The following IGSF3 variants were observed in gnomAD, a reference collection of about 807,000 sequenced individuals.
IGSF3 encodes the protein glu-Trp-Ile EWI motif-containing protein 3.
In IGSF3, 23 loss-of-function variants were observed where a neutral mutation model predicts 114.4. The ratio of observed to expected loss-of-function variants is 0.20; its 90% CI spans 0.14 to 0.28. The LOEUF (loss-of-function observed/expected upper bound fraction) is 0.28, where lower values mean the gene tolerates loss of function less well. Among genes scored for constraint, IGSF3 ranks in the 10% least tolerant of loss-of-function variants. The pLI is 1.00. For missense variants in IGSF3, 1,172 were observed against 1,591.5 expected, an observed-to-expected ratio of 0.74 and a Z score of 4.48; for synonymous variants, 571 against 645.2, an observed-to-expected ratio of 0.88 and a Z score of 1.74.
intron 6 of IGSF3, among the ~76,000 whole-genome samples, chr1:116,601,347 A>G (rs1660579949): frequency 6.6e-6 from 1 of 152,236 alleles, no homozygotes; most frequent in African/African-American, 2.4e-5. Flanking sequence ...GGAAAGCATA[A>G]CACAGTGGTT....
At chr1:116,599,174 G>A (rs1337297845) in intron 7 of IGSF3, among the ~76,000 whole-genome samples, 2 of 151,998 alleles carry the variant, frequency 1.3e-5, no homozygotes, top group Non-Finnish European at 2.9e-5. Context: ...TAAAGTAACT[G>A]ACCTTCAGCG....
In IGSF3 at chr1:116,579,960, CAT is replaced by C; in HGVS notation, c.2849-85_2849-84del. The C allele has an allele frequency of 1.7e-6, 2 of 1,185,874 alleles. No homozygotes were observed. The highest frequency in any genetic ancestry group is 2.5e-5 in the Admixed American group (1 of 39,584). The allele number at this position is 1,185,874 out of a possible 1,614,324, so 73.5% of individuals were successfully genotyped here. A position where few individuals can be genotyped will look rare whatever the true frequency, so the allele number is the denominator to read the frequency against. ...TAAACTAAATGTCCATCATTAAACA[CAT>C]GATAGTAACATCCATACTATAAGAT... On this transcript the variant is annotated intron_variant, in intron 9 of 10. Coordinates refer to ENST00000369486, the MANE Select transcript of IGSF3 (RefSeq NM_001007237.3). The surrounding 1 kb of genome is among the most constrained non-coding windows in gnomAD (Gnocchi z 6.4).
chr1:116,641,360 G>C (rs1308826299), intron 2 of IGSF3, among the ~76,000 whole-genome samples: 1 of 151,828 alleles, frequency 6.6e-6, no homozygotes, highest in African/African-American at 2.4e-5. Context: ...GCCGGGTATG[G>C]TGGCGTGTAC....
At position 116,589,558 on chromosome 1, in the gene IGSF3, C is replaced by T. The variant is rs1481005601; in HGVS notation, c.2030-454G>A. ...CACCCTCAGGCACCCTCCACAGGCG[C>T]ATGCCCCTGGTGCAGTTTCCCTGAG... On this transcript the variant is annotated intron_variant, in intron 7 of 10. Transcript: ENST00000369486. The surrounding 1 kb of genome is among the most constrained non-coding windows in gnomAD (Gnocchi z 5.7). Among the ~76,000 whole-genome samples, 2 of 152,118 alleles carry T rather than the reference C, an allele frequency of 1.3e-5. No individual in the cohort carries two copies. Among genetic ancestry groups the T allele is most frequent in the African/African-American group, 4.8e-5 (2 of 41,426 alleles).
Position 116,589,191 on chromosome 1 carries a change from C to G in IGSF3, c.2030-87G>C. 8.1e-7 allele frequency: 1 copy of G among 1,240,360 alleles called. No individual in the cohort carries two copies. Among genetic ancestry groups the G allele is most frequent in the South Asian group, 1.4e-5 (1 of 72,438 alleles). 76.8% of individuals were successfully genotyped at this position (1,240,360 alleles called of 1,614,324 possible). On this transcript the variant is annotated intron_variant, in intron 7 of 10. Coordinates refer to ENST00000369486, the MANE Select transcript of IGSF3 (RefSeq NM_001007237.3). This position sits in a 1 kb window ranked among gnomAD's most constrained non-coding sequence, Gnocchi z 5.7. Reference sequence around the variant, plus strand: ...TCCAGGCTCTGAGCCAGGTTTCCTCCAGCACAGTTCCTGGGGGATTTAACA... The same window carrying G: ...TCCAGGCTCTGAGCCAGGTTTCCTCGAGCACAGTTCCTGGGGGATTTAACA...
intron 2 of IGSF3, among the ~76,000 whole-genome samples, chr1:116,631,535 G>A (rs921478001): frequency 3.3e-5 from 5 of 152,110 alleles, no homozygotes; most frequent in Non-Finnish European, 7.4e-5. Flanking sequence ...TCAGATCACT[G>A]GACCTCCACT....
In IGSF3 at chr1:116,647,996, C is replaced by T. The variant is rs1437709133; in HGVS notation, c.43+18288G>A. Among the ~76,000 whole-genome samples the T allele has an allele frequency of 6.6e-6, 1 of 151,980 alleles. No individual in the cohort carries two copies. Among genetic ancestry groups the T allele is most frequent in the African/African-American group, 2.4e-5 (1 of 41,342 alleles). ...GCACACGCCTGTAATCCTAGTTACTCGGGAGGCTGAGGCAGGAGAATCGCT... is the reference window on the plus strand; with the variant it reads ...GCACACGCCTGTAATCCTAGTTACTTGGGAGGCTGAGGCAGGAGAATCGCT... On this transcript the variant is annotated intron_variant, in intron 2 of 10. Coordinates refer to ENST00000369486, the MANE Select transcript of IGSF3 (RefSeq NM_001007237.3). This position sits in a 1 kb window ranked among gnomAD's most constrained non-coding sequence, Gnocchi z 4.6.
chr1:116,641,868 A>G (rs1266102522), intron 2 of IGSF3, among the ~76,000 whole-genome samples: 1 of 146,136 alleles, frequency 6.8e-6, no homozygotes, highest in Non-Finnish European at 1.5e-5. Flanking sequence ...TTTTTTTTTG[A>G]GACTGGGTCT....
At position 116,628,953 on chromosome 1, in the gene IGSF3, T is replaced by C. The variant is rs182226078; in HGVS notation, c.44-12496A>G. Among the ~76,000 whole-genome samples, 10 of 152,250 alleles carry C rather than the reference T, an allele frequency of 6.6e-5. No individual in the cohort carries two copies. The highest frequency in any genetic ancestry group is 6.5e-4 in the Admixed American group (10 of 15,286). ...TGCAAAAATAACAGAACTGTGGAAGTAGAGACTAATTCTGCAGCAGCCCAG... is the reference window on the plus strand; with the variant it reads ...TGCAAAAATAACAGAACTGTGGAAGCAGAGACTAATTCTGCAGCAGCCCAG... On this transcript the variant is annotated intron_variant, in intron 2 of 10. Transcript: ENST00000369486. The surrounding 1 kb of genome is among the most constrained non-coding windows in gnomAD (Gnocchi z 4.2).
rs1173775648 is a variant in IGSF3 at position 116,651,455 on chromosome 1, C to CCA, written c.43+14827_43+14828dup. ...ACTCCAGTCTCACAGATATCCAGTCCCACAGTCTATATCACAGATCACCAG... is the reference window on the plus strand; with the variant it reads ...ACTCCAGTCTCACAGATATCCAGTCCCACACAGTCTATATCACAGATCACCAG... On this transcript the variant is annotated intron_variant, in intron 2 of 10. Coordinates refer to ENST00000369486, the MANE Select transcript of IGSF3 (RefSeq NM_001007237.3). This position sits in a 1 kb window ranked among gnomAD's most constrained non-coding sequence, Gnocchi z 4.4. Among the ~76,000 whole-genome samples the CCA allele has an allele frequency of 6.6e-6, 1 of 152,142 alleles. No individual in the cohort carries two copies. The highest frequency in any genetic ancestry group is 1.5e-5 in the Non-Finnish European group (1 of 68,020).
Position 116,579,584 on chromosome 1 carries a change from G to A in IGSF3, c.3142C>T (p.Pro1048Ser). The A allele has an allele frequency of 1.2e-6, 2 of 1,614,128 alleles. No individual in the cohort carries two copies. The highest frequency in any genetic ancestry group is 1.7e-6 in the Non-Finnish European group (2 of 1,180,032). The change falls in exon 10 of 11, where the codon CCT (proline) becomes TCT (serine). Residue 1048 changes from proline to serine, a missense_variant. Pro to Ser is a moderately conservative substitution (Grantham distance 74, BLOSUM62 -1). Coordinates refer to ENST00000369486, the MANE Select transcript of IGSF3 (RefSeq NM_001007237.3). The surrounding 1 kb of genome is among the most constrained non-coding windows in gnomAD (Gnocchi z 6.4). ...TGGAAGCGAAGCCTGCCCTCCCAAG[G>A]ACTGCCCTCTGGGCCAAAGACAGCA... ...PDAVFGPEGS[P>S]WEGRLRFQRL...
rs150918555 is a variant in IGSF3, at chr1:116,603,920, C to T, written c.1328G>A (p.Arg443His). Reference protein sequence around the residue: ...SVRTAGRPQGRFSVIWQLVDR... With the variant: ...SVRTAGRPQGHFSVIWQLVDR... Reference sequence around the variant, plus strand: ...CACAAGCTGCCAGATGACAGAGAAGCGACCCTGCGGCCTGCCTGCCGTGCG... The same window carrying T: ...CACAAGCTGCCAGATGACAGAGAAGTGACCCTGCGGCCTGCCTGCCGTGCG... Residue 443 changes from arginine (R) to histidine (H), a missense_variant, in exon 6 of 11, where the codon CGC becomes CAC. Around this residue, in one of 3 missense-constraint regions of IGSF3, gnomAD observed 736 missense variants for 1,042.0 expected, o/e 0.71. Coordinates refer to ENST00000369486, the MANE Select transcript of IGSF3 (RefSeq NM_001007237.3). This position sits in a 1 kb window ranked among gnomAD's most constrained non-coding sequence, Gnocchi z 7.1. 2.2e-4 allele frequency: 347 copies of T among 1,613,924 alleles called. No homozygotes were observed. The highest frequency in any genetic ancestry group is 1.0e-4 in the Admixed American group (6 of 60,006).
Position 116,600,211 on chromosome 1 carries a change from C to T in IGSF3, c.1759G>A (p.Val587Met), listed in dbSNP as rs2101428066. 1 of 1,614,080 alleles carries T rather than the reference C, an allele frequency of 6.2e-7. No individual in the cohort carries two copies. Among genetic ancestry groups the T allele is most frequent in the African/African-American group, 1.3e-5 (1 of 75,066 alleles). The part of the protein sequence containing the change: ...PVSVTWRFQP[V>M]GTVEFHDLVT... ...AAGTCATGGAACTCCACCGTGCCCA[C>T]CGGCTGGAACCGCCATGTCACCGAC... is the stretch of plus-strand genomic sequence containing the variant. The change falls in exon 7 of 11, where the codon GTG (valine) becomes ATG (methionine). Residue 587 changes from valine (V) to methionine (M), a missense_variant. Val to Met is a conservative substitution (Grantham distance 21, BLOSUM62 1). This residue lies in a region of IGSF3 where 736 missense variants were observed against 1,042.0 expected (regional missense o/e 0.71). Coordinates refer to ENST00000369486, the MANE Select transcript of IGSF3 (RefSeq NM_001007237.3). This position sits in a 1 kb window ranked among gnomAD's most constrained non-coding sequence, Gnocchi z 5.5.
chr1:116,604,511 T>C (rs1335136208), intron 5 of IGSF3, among the ~76,000 whole-genome samples: 1 of 152,152 alleles, frequency 6.6e-6, no homozygotes, highest in African/African-American at 2.4e-5. Flanking sequence ...TTCAGGACAA[T>C]TTAGGAAATA....
Position 116,614,023 on chromosome 1 carries a change from G to T in IGSF3, c.574C>A (p.Pro192Thr). Residue 192 changes from proline (P) to threonine (T), a missense_variant, in exon 4 of 11, where the codon CCC becomes ACC. Coordinates refer to ENST00000369486, the MANE Select transcript of IGSF3 (RefSeq NM_001007237.3). This position sits in a 1 kb window ranked among gnomAD's most constrained non-coding sequence, Gnocchi z 4.5. ...CGGCTCAGGGAGATGACCTCCACGG[G>T]CTTCTCGCCAACTTTCTGCCGGAGC... Reference protein sequence around the residue: ...AWLRQKVGEKPVEVISLSRDF... With the variant: ...AWLRQKVGEKTVEVISLSRDF... 6.2e-7 allele frequency: 1 copy of T among 1,614,126 alleles called. No homozygotes were observed. The highest frequency in any genetic ancestry group is 8.5e-7 in the Non-Finnish European group (1 of 1,179,990).
At position 116,603,670 on chromosome 1, in the gene IGSF3, A is replaced by C. The variant is rs1466087139; in HGVS notation, c.1578T>G (p.Ile526Met). 1 of 1,613,786 alleles carries C rather than the reference A, an allele frequency of 6.2e-7. No individual in the cohort carries two copies. Among genetic ancestry groups the C allele is most frequent in the African/African-American group, 1.3e-5 (1 of 74,986 alleles). Residue 526 changes from isoleucine to methionine, a missense_variant, in exon 6 of 11, where the codon ATT (isoleucine) becomes ATG (methionine). Around this residue, in one of 3 missense-constraint regions of IGSF3, gnomAD observed 736 missense variants for 1,042.0 expected, o/e 0.71. Transcript: ENST00000369486. The surrounding 1 kb of genome is among the most constrained non-coding windows in gnomAD (Gnocchi z 7.1). ...WVRAVDGEWQIVGERRASTPI... is the reference protein window; with the variant it reads ...WVRAVDGEWQMVGERRASTPI... ...GAGTGCTGGCCCGGCGCTCCCCAAC[A>C]ATCTGCCACTCGCCATCCACTGCCC...
In IGSF3 at chr1:116,661,491, G is replaced by C. The variant is rs575048372; in HGVS notation, c.43+4793C>G. 1.3e-5 allele frequency among the ~76,000 whole-genome samples: 2 copies of C among 152,228 alleles called. No homozygotes were observed. Among genetic ancestry groups the C allele is most frequent in the Non-Finnish European group, 2.9e-5 (2 of 68,032 alleles). ...CTCACTGATAAAACCACAAAATGTAGTGTTTAATTATATGCTGATTTAGGT... is the reference window on the plus strand; with the variant it reads ...CTCACTGATAAAACCACAAAATGTACTGTTTAATTATATGCTGATTTAGGT... On this transcript the variant is annotated intron_variant, in intron 2 of 10. Coordinates refer to ENST00000369486, the MANE Select transcript of IGSF3 (RefSeq NM_001007237.3). This position sits in a 1 kb window ranked among gnomAD's most constrained non-coding sequence, Gnocchi z 4.0.
rs1307797804 is a variant in IGSF3, at chr1:116,574,575, C to T, written c.*2737G>A. 1 of 152,438 alleles carries T rather than the reference C, an allele frequency of 6.6e-6. No individual in the cohort carries two copies. Among genetic ancestry groups the T allele is most frequent in the East Asian group, 1.9e-4 (1 of 5,198 alleles). The allele number at this position is 152,438 out of a possible 1,614,324, so 9.4% of individuals were successfully genotyped here. A position where few individuals can be genotyped will look rare whatever the true frequency, so the allele number is the denominator to read the frequency against. On this transcript the variant is annotated 3_prime_UTR_variant, in exon 11 of 11. Coordinates refer to ENST00000369486, the MANE Select transcript of IGSF3 (RefSeq NM_001007237.3). The surrounding 1 kb of genome is among the most constrained non-coding windows in gnomAD (Gnocchi z 5.2). ...CTTTTTTTTTCCTCAATAATTAACG[C>T]AGAGAAACCATTGTTTGAAAAGAAT...
chr1:116,641,677 C>G (rs1325436366), intron 2 of IGSF3, among the ~76,000 whole-genome samples: 10 of 152,002 alleles, frequency 6.6e-5, no homozygotes, highest in African/African-American at 1.7e-4. Flanking sequence ...GAGAGCAGAG[C>G]TGGCAGGAAG....
Sources: gnomAD v4.1 joint callset for allele counts (sites outside exome capture counted in the v4.1 genomes callset) on GRCh38, gnomAD v4.1.1 for gene constraint, gnomAD v4.1.1 regional missense constraint, Gnocchi (gnomAD v3.1) non-coding constraint, MANE v1.5 for transcripts, NCBI Gene and HGNC (gene_info 2026-07-23, HGNC 2026-07-21) for gene names.